ERBB4: variants seen among roughly 807,000 people sequenced by gnomAD.
ERBB4 encodes receptor tyrosine-protein kinase erbB-4.
A neutral mutation model predicts 158.0 loss-of-function variants in ERBB4; 42 were observed. That is an observed-to-expected ratio of 0.27 (90% CI 0.21 to 0.34). ERBB4 has a LOEUF of 0.34. Among genes scored for constraint, ERBB4 ranks in the 10% least tolerant of loss-of-function variants. ERBB4 has a pLI of 1.00. For missense variants in ERBB4, 1,333 were observed against 1,624.1 expected (o/e 0.82, Z 3.08); for synonymous variants, 583 against 558.7 (o/e 1.04, Z -0.61).
At chr2:211,438,870 T>C (rs558993692) in intron 20 of ERBB4, among the ~76,000 whole-genome samples, 1 of 152,252 alleles carries the variant, frequency 6.6e-6, no homozygotes, top group South Asian at 2.1e-4. Flanking sequence ...CTTAAGAACT[T>C]AGATTTTGGA....
At chr2:212,405,932 T>C (rs553547807) in intron 1 of ERBB4, among the ~76,000 whole-genome samples, 348 of 152,198 alleles carry the variant, frequency 2.3e-3, no homozygotes, top group Non-Finnish European at 3.7e-3. Flanking sequence ...CTTAATTTAA[T>C]AGGGGTATGA....
chr2:212,399,710 C>CAAAAAAA (rs774502441), intron 1 of ERBB4, among the ~76,000 whole-genome samples: 1,577 of 106,488 alleles, frequency 0.015, 80 homozygotes, highest in African/African-American at 0.028. Context: ...ACTAAAAATA[C>CAAAAAAA]AAAAAAAAAA....
chr2:211,673,529 A>AAAAAAAAAAAAAAAAAAAAAAAAAAAT (rs2071932245), intron 13 of ERBB4, among the ~76,000 whole-genome samples: 1 of 149,952 alleles, frequency 6.7e-6, no homozygotes, highest in Non-Finnish European at 1.5e-5. Context: ...AAAAAAAAAA[A>AAAAAAAAAAAAAAAAAAAAAAAAAAAT]AGCTACAAAG....
intron 1 of ERBB4, among the ~76,000 whole-genome samples, chr2:212,194,111 A>G (rs996193484): frequency 6.6e-6 from 1 of 152,042 alleles, no homozygotes; most frequent in Non-Finnish European, 1.5e-5. Context: ...TAAATCTGTT[A>G]TTAACTTTTT....
chr2:211,497,512 C>T (rs1004919289), intron 20 of ERBB4, among the ~76,000 whole-genome samples: 2 of 152,006 alleles, frequency 1.3e-5, no homozygotes, highest in Non-Finnish European at 2.9e-5. Flanking sequence ...GAAAATAAGA[C>T]GTGTGAGGAT....
At chr2:212,422,631 T>C (rs1230592798) in intron 1 of ERBB4, among the ~76,000 whole-genome samples, 1 of 152,228 alleles carries the variant, frequency 6.6e-6, no homozygotes, top group African/African-American at 2.4e-5. Context: ...TCACCAGGTG[T>C]AATCCATGCA....
rs547683565 is a variant in ERBB4, at chr2:211,966,391, G to A, written c.235-18775C>T. On this transcript the variant is annotated intron_variant, in intron 2 of 27. Coordinates refer to ENST00000342788, the MANE Select transcript of ERBB4 (RefSeq NM_005235.3). Reference sequence around the variant, plus strand: ...TGAAGAGCTGGGATTGCAGGCACCCGCCACCACACCCAGCTAATTTTTGTA... The same window carrying A: ...TGAAGAGCTGGGATTGCAGGCACCCACCACCACACCCAGCTAATTTTTGTA... Among the ~76,000 whole-genome samples the A allele has an allele frequency of 1.0e-3, 153 of 152,082 alleles. 1 individual carries two copies. The highest frequency in any genetic ancestry group is 3.5e-3 in the African/African-American group (144 of 41,500).
At chr2:212,040,916 A>G (rs1296153945) in intron 2 of ERBB4, among the ~76,000 whole-genome samples, 1 of 152,086 alleles carries the variant, frequency 6.6e-6, no homozygotes, top group Non-Finnish European at 1.5e-5. Flanking sequence ...CTTATCAGTT[A>G]AATCTCTTTT....
At chr2:212,071,654 C>G (rs2078122245) in intron 2 of ERBB4, among the ~76,000 whole-genome samples, 1 of 151,984 alleles carries the variant, frequency 6.6e-6, no homozygotes. Context: ...AATACTTTAA[C>G]AACAGATGTA....
At chr2:212,189,302 A>G (rs369763775) in intron 1 of ERBB4, among the ~76,000 whole-genome samples, 2 of 152,284 alleles carry the variant, frequency 1.3e-5, no homozygotes, top group East Asian at 3.9e-4. Flanking sequence ...TCCTTAAATC[A>G]GTTGAGTGAA....
At chr2:212,229,302 A>G (rs1440931295) in intron 1 of ERBB4, among the ~76,000 whole-genome samples, 1 of 152,222 alleles carries the variant, frequency 6.6e-6, no homozygotes, top group East Asian at 1.9e-4. Flanking sequence ...ATTCAAATAA[A>G]AAACAAAAAG....
At chr2:211,662,249 A>G (rs1430578233) in intron 15 of ERBB4, among the ~76,000 whole-genome samples, 1 of 152,034 alleles carries the variant, frequency 6.6e-6, no homozygotes, top group Non-Finnish European at 1.5e-5. Context: ...ACATTAAATG[A>G]GCACATACTC....
At chr2:211,861,130 A>ATATATATTTTATATATATATATATAT (rs1205924597) in intron 3 of ERBB4, among the ~76,000 whole-genome samples, 2 of 29,062 alleles carry the variant, frequency 6.9e-5, no homozygotes, top group Admixed American at 4.8e-4. Flanking sequence ...TATTTTATAT[A>ATATATATTTTATATATATATATATAT]TATATATATA....
At chr2:211,470,852 C>T (rs2064811494) in intron 20 of ERBB4, among the ~76,000 whole-genome samples, 1 of 152,212 alleles carries the variant, frequency 6.6e-6, no homozygotes, top group African/African-American at 2.4e-5. Context: ...ATCATTCATG[C>T]CACATGCCCT....
chr2:212,082,477 C>T (rs1298307481), intron 2 of ERBB4, among the ~76,000 whole-genome samples: 1 of 151,980 alleles, frequency 6.6e-6, no homozygotes, highest in African/African-American at 2.4e-5. Context: ...AGGGCATTTG[C>T]ATACTTTGGC....
At chr2:212,201,310 T>C (rs16847874) in intron 1 of ERBB4, among the ~76,000 whole-genome samples, 5,872 of 152,198 alleles carry the variant, frequency 0.039, 114 homozygotes, top group Middle Eastern at 0.061. Context: ...TCATAGTACA[T>C]GAAATCCACT....
At chr2:212,014,930 C>T (rs761292751) in intron 2 of ERBB4, among the ~76,000 whole-genome samples, 20 of 149,632 alleles carry the variant, frequency 1.3e-4, no homozygotes, top group African/African-American at 2.2e-4. Context: ...CAGTGGCTCA[C>T]GCCTGTAATC....
rs1397016659 is a variant in ERBB4 at position 211,677,610 on chromosome 2, T to C, written c.1622+1442A>G. 1.6e-4 allele frequency among the ~76,000 whole-genome samples: 23 copies of C among 147,802 alleles called. No homozygotes were observed. The East Asian group carries it at 4.5e-3, about 29-fold the overall frequency. On this transcript the variant is annotated intron_variant, in intron 13 of 27. Transcript: ENST00000342788. Reference sequence around the variant, plus strand: ...AAAAAAGAGGCCAGGCGCAGTGGCTTACGCCTGTAATCCCAGCACTTTGGG... The same window carrying C: ...AAAAAAGAGGCCAGGCGCAGTGGCTCACGCCTGTAATCCCAGCACTTTGGG...
chr2:212,358,832 A>G (rs2089569515), intron 1 of ERBB4, among the ~76,000 whole-genome samples: 1 of 151,826 alleles, frequency 6.6e-6, no homozygotes. Context: ...TATTGGATTC[A>G]AAATCTAACC....
Sources: allele counts gnomAD v4.1 joint callset (sites outside exome capture counted in the v4.1 genomes callset), GRCh38; gene constraint gnomAD v4.1.1; transcripts MANE v1.5; gene names NCBI Gene and HGNC (gene_info 2026-07-23, HGNC 2026-07-21).